Variants in ARHGEF18 observed in about 807,000 individuals in gnomAD.
ARHGEF18 encodes the protein Rho/Rac guanine nucleotide exchange factor 18.
A neutral mutation model predicts 155.7 loss-of-function variants in ARHGEF18; 93 were observed. The ratio of observed to expected loss-of-function variants is 0.60; its 90% CI spans 0.50 to 0.71. The LOEUF (loss-of-function observed/expected upper bound fraction) is 0.71. Ranked by LOEUF, ARHGEF18 falls within the 30% of genes least tolerant of loss-of-function variation. ARHGEF18 has a pLI of 0.00. For synonymous variants in ARHGEF18, 742 were observed against 753.1 expected (o/e 0.99, Z 0.24); for missense variants, 1,593 against 1,816.1 (o/e 0.88, Z 2.23).
intron 15 of ARHGEF18, among the ~76,000 whole-genome samples, chr19:7,447,820 C>A (rs1421564178): frequency 6.6e-6 from 1 of 152,044 alleles, no homozygotes; most frequent in East Asian, 1.9e-4. Context: ...ATAGCAAGAT[C>A]CTGTCTCTAA....
In ARHGEF18 at chr19:7,467,400, G is replaced by A; in HGVS notation, c.3196G>A (p.Glu1066Lys). Residue 1066 changes from glutamate to lysine, a missense_variant, in exon 26 of 29, where the codon GAG becomes AAG. Transcript: ENST00000668164. ...LEKLQSQLRH[E>K]QQRWERERQW... Reference sequence around the variant, plus strand: ...GAAGCTGCAGAGCCAGCTGCGGCACGAGCAGCAGCGCTGGGAGCGCGAGCG... The same window carrying A: ...GAAGCTGCAGAGCCAGCTGCGGCACAAGCAGCAGCGCTGGGAGCGCGAGCG... The A allele has an allele frequency of 1.3e-6, 2 of 1,532,770 alleles. No homozygotes were observed. The highest frequency in any genetic ancestry group is 1.7e-6 in the Non-Finnish European group (2 of 1,145,498). The allele number at this position is 1,532,770 out of a possible 1,614,324, so 94.9% of individuals were successfully genotyped here.
chr19:7,355,533 G>T, intron 1 of ARHGEF18: 1 of 793,004 alleles, frequency 1.3e-6, no homozygotes, highest in Non-Finnish European at 1.5e-6. Context: ...GGCAGACCTT[G>T]GAGGCAGTCT....
intron 17 of ARHGEF18, among the ~76,000 whole-genome samples, chr19:7,455,398 G>C (rs1975766553): frequency 6.6e-6 from 1 of 152,214 alleles, no homozygotes; most frequent in African/African-American, 2.4e-5. Flanking sequence ...ACTTAGACAG[G>C]GGTGTTGGAA....
At chr19:7,446,757 C>A (rs547139446) in intron 14 of ARHGEF18, among the ~76,000 whole-genome samples, 11 of 150,374 alleles carry the variant, frequency 7.3e-5, no homozygotes, top group African/African-American at 2.7e-4. Flanking sequence ...ATTAGCCAGG[C>A]GTGGTGGCGG....
downstream of ARHGEF18, chr19:7,476,846 G>T: frequency 4.2e-6 from 1 of 240,280 alleles, no homozygotes; most frequent in Non-Finnish European, 8.0e-6. Context: ...GGAGCCAGCA[G>T]TGTAATAACC....
At chr19:7,467,177 G>A (rs770264404) in intron 25 of ARHGEF18, 37 bp from the exon 26 acceptor site, 7 of 1,578,844 alleles carry the variant, frequency 4.4e-6, no homozygotes, top group South Asian at 2.3e-5. Context: ...TGGGGCGCAG[G>A]TGCGGCTCTC....
chr19:7,451,281 C>T lies in ARHGEF18; in HGVS notation c.1855+15C>T. On this transcript the variant is annotated intron_variant, in intron 16 of 28. Transcript: ENST00000668164. ...GAACACGGAAGGTAGGCCTTCTCCC[C>T]ACTGCCCCGCCCGCCCGTGCTGCTG... 6.2e-7 allele frequency: 1 copy of T among 1,610,404 alleles called. No individual in the cohort carries two copies. The highest frequency in any genetic ancestry group is 1.3e-5 in the African/African-American group (1 of 74,978).
chr19:7,411,225 TTTTCTTCC>T lies in ARHGEF18; in HGVS notation c.967+28024_967+28031del, dbSNP rs1418695216. On this transcript the variant is annotated intron_variant, in intron 10 of 28. Transcript: ENST00000668164. The stretch of plus-strand genomic sequence containing the variant: ...CACACCAAGCTTCTCTCTTTCCTTC[TTTTCTTCC>T]TGTTCCTTTCCCCTACCTCTTCCCC... Among the ~76,000 whole-genome samples, 4 of 151,626 alleles carry T rather than the reference TTTTCTTCC, an allele frequency of 2.6e-5. No individual in the cohort carries two copies. In the South Asian group the frequency reaches 6.3e-4, roughly 24 times the overall value.
At chr19:7,416,520 G>A (rs899046825) in intron 10 of ARHGEF18, among the ~76,000 whole-genome samples, 1 of 141,352 alleles carries the variant, frequency 7.1e-6, no homozygotes, top group Non-Finnish European at 1.5e-5. Flanking sequence ...TGTGCCTCAC[G>A]GAGAAAATTC....
chr19:7,377,034 G>A (rs1206403952), intron 5 of ARHGEF18, among the ~76,000 whole-genome samples: 2 of 151,808 alleles, frequency 1.3e-5, no homozygotes, highest in Non-Finnish European at 2.9e-5. Context: ...TTGCCCCATT[G>A]CAATGAGCTT....
chr19:7,462,798 GCAGTCAGCGCC>G lies in ARHGEF18; in HGVS notation c.2635+470_2635+480del, dbSNP rs1366741572. Reference sequence around the variant, plus strand: ...GCCCCTGGGCTGGCCGCTTGAGCAGGCAGTCAGCGCCCAGTCTGCTCTTTCTTTTTTTCTTT... The same window carrying G: ...GCCCCTGGGCTGGCCGCTTGAGCAGGCAGTCTGCTCTTTCTTTTTTTCTTT... On this transcript the variant is annotated intron_variant, in intron 21 of 28. Coordinates refer to ENST00000668164, the MANE Select transcript of ARHGEF18 (RefSeq NM_001367823.1). This position sits in a 1 kb window ranked among gnomAD's most constrained non-coding sequence, Gnocchi z 4.4. Among the ~76,000 whole-genome samples, 1 of 151,696 alleles carries G rather than the reference GCAGTCAGCGCC, an allele frequency of 6.6e-6. No individual in the cohort carries two copies. The highest frequency in any genetic ancestry group is 1.5e-5 in the Non-Finnish European group (1 of 67,902).
chr19:7,444,165 A>G lies in ARHGEF18; in HGVS notation c.1361-39A>G, dbSNP rs374759489. 54 of 1,601,636 alleles carry G rather than the reference A, an allele frequency of 3.4e-5. No individual in the cohort carries two copies. The highest frequency in any genetic ancestry group is 4.4e-5 in the Non-Finnish European group (51 of 1,171,656). On this transcript the variant is annotated intron_variant, in intron 13 of 28. Coordinates refer to ENST00000668164, the MANE Select transcript of ARHGEF18 (RefSeq NM_001367823.1). This position sits in a 1 kb window ranked among gnomAD's most constrained non-coding sequence, Gnocchi z 4.7. ...CCACGACTGCCCAGCGGGGCCGTGG[A>G]GCCAGCATGGCTAAGTCCTGCCGTC...
rs914932241 is a variant in ARHGEF18, at chr19:7,462,843, T to C, written c.2635+509T>C. ...TCTTTCTTTTTTTCTTTTCTTTTTT[T>C]TTTTTTTTTTTGAGATGGAGTCTCG... On this transcript the variant is annotated intron_variant, in intron 21 of 28. Transcript: ENST00000668164. This position sits in a 1 kb window ranked among gnomAD's most constrained non-coding sequence, Gnocchi z 4.4. Among the ~76,000 whole-genome samples the C allele has an allele frequency of 6.8e-6, 1 of 146,840 alleles. No homozygotes were observed. Among genetic ancestry groups the C allele is most frequent in the Non-Finnish European group, 1.5e-5 (1 of 66,208 alleles).
chr19:7,441,107 CATT>C (rs996927178), intron 11 of ARHGEF18, among the ~76,000 whole-genome samples: 7 of 151,394 alleles, frequency 4.6e-5, no homozygotes, highest in Non-Finnish European at 8.8e-5. Context: ...CGTAACTAAA[CATT>C]AAAGGAAGTT....
At chr19:7,456,221 A>G (rs780241357) in intron 17 of ARHGEF18, 106 bp from the exon 18 acceptor site, 1 of 995,562 alleles carries the variant, frequency 1.0e-6, no homozygotes, top group Non-Finnish European at 1.6e-6. Flanking sequence ...AGGCAGAAGC[A>G]TCATGCTGCT....
In ARHGEF18 at chr19:7,372,936, G is replaced by A; in HGVS notation, c.140G>A (p.Gly47Glu). 8.1e-7 allele frequency: 1 copy of A among 1,234,644 alleles called. No homozygotes were observed. The allele number at this position is 1,234,644 out of a possible 1,614,324, so 76.5% of individuals were successfully genotyped here. A position where few individuals can be genotyped will look rare whatever the true frequency, so the allele number is the denominator to read the frequency against. The part of the protein sequence containing the change: ...GLGAPSHSQP[G>E]ETPDSRPTGE... ...GGGGCCCCTTCCCACAGCCAGCCTG[G>A]GGAGACCCCAGACAGCCGCCCCACC... Residue 47 changes from glycine to glutamate, a missense_variant, in exon 3 of 29, where the codon GGG becomes GAG. Physicochemically the swap from Gly to Glu is moderately conservative, Grantham distance 98. Coordinates refer to ENST00000668164, the MANE Select transcript of ARHGEF18 (RefSeq NM_001367823.1).
intron 10 of ARHGEF18, among the ~76,000 whole-genome samples, chr19:7,396,292 C>T (rs747554072): frequency 3.3e-5 from 5 of 152,128 alleles, no homozygotes; most frequent in Non-Finnish European, 7.3e-5. Context: ...GAAGCTCCAG[C>T]CAGTAGCTTT....
In ARHGEF18 at chr19:7,467,692, C is replaced by T. The variant is rs774958221; in HGVS notation, c.3480+8C>T. 2.5e-5 allele frequency: 37 copies of T among 1,476,960 alleles called. No individual in the cohort carries two copies. The highest frequency in any genetic ancestry group is 5.0e-5 in the Admixed American group (2 of 40,086). The allele number at this position is 1,476,960 out of a possible 1,614,324, so 91.5% of individuals were successfully genotyped here. On this transcript the variant is annotated splice_region_variant and intron_variant, in intron 26 of 28. Transcript: ENST00000668164. ...CCCGACACACTGGCCGAGGTGAGCGCGCAGCAGCCAGTGTGCGCAGGTTGG... is the reference window on the plus strand; with the variant it reads ...CCCGACACACTGGCCGAGGTGAGCGTGCAGCAGCCAGTGTGCGCAGGTTGG...
chr19:7,406,321 G>A (rs1198994676), intron 10 of ARHGEF18, among the ~76,000 whole-genome samples: 2 of 152,136 alleles, frequency 1.3e-5, no homozygotes, highest in Non-Finnish European at 2.9e-5. Flanking sequence ...CTGACCTCAG[G>A]TGATCCACCC....
Sources: allele counts gnomAD v4.1 joint callset (sites outside exome capture counted in the v4.1 genomes callset), GRCh38; gene constraint gnomAD v4.1.1; non-coding constraint Gnocchi (gnomAD v3.1); transcripts MANE v1.5; gene names NCBI Gene and HGNC (gene_info 2026-07-23, HGNC 2026-07-21).